Variants in PCSK5 observed in about 807,000 individuals in gnomAD.
PCSK5 encodes prohormone convertase 5.
Under a neutral mutation model 233.2 loss-of-function variants are expected in PCSK5, and 129 were observed. The ratio of observed to expected loss-of-function variants is 0.55; its 90% CI spans 0.48 to 0.64. PCSK5 has a LOEUF of 0.64. PCSK5 is among the 30% of genes least tolerant of loss of function. PCSK5 has a pLI of 0.00. For missense variants in PCSK5, 2,076 were observed against 2,430.1 expected (o/e 0.85, Z 3.06); for synonymous variants, 825 against 879.2 (o/e 0.94, Z 1.09).
At chr9:76,350,084 C>T (rs556403633) in intron 35 of PCSK5, among the ~76,000 whole-genome samples, 13 of 147,876 alleles carry the variant, frequency 8.8e-5, no homozygotes, top group Middle Eastern at 3.4e-3. Context: ...TTGAGATCAG[C>T]CTGGACAACA....
intron 3 of PCSK5, among the ~76,000 whole-genome samples, chr9:75,990,639 C>G (rs531152321): frequency 6.6e-6 from 1 of 152,280 alleles, no homozygotes; most frequent in South Asian, 2.1e-4. Flanking sequence ...TTTGTGCCTC[C>G]TAAGATTAAT....
chr9:76,013,181 TCTG>T (rs759646325), intron 3 of PCSK5, among the ~76,000 whole-genome samples: 11 of 152,212 alleles, frequency 7.2e-5, no homozygotes, highest in Non-Finnish European at 1.6e-4. Context: ...ATACCAAAAG[TCTG>T]CTGCTCTCTG....
At position 76,276,570 on chromosome 9, in the gene PCSK5, G is replaced by A. The variant is rs574741883; in HGVS notation, c.3143-15663G>A. ...TCTTGATGTTCCTTGAAGGGGACAA[G>A]CTTTCCCTGGCCTCTGTCTGGAACA... On this transcript the variant is annotated intron_variant, in intron 24 of 37. Transcript: ENST00000674117. Among the ~76,000 whole-genome samples, 173 of 152,250 alleles carry A rather than the reference G, an allele frequency of 1.1e-3. 1 individual carries two copies. The highest frequency in any genetic ancestry group is 3.4e-3 in the African/African-American group (142 of 41,538).
intron 20 of PCSK5, among the ~76,000 whole-genome samples, chr9:76,216,929 C>T (rs941145293): frequency 1.3e-5 from 2 of 152,160 alleles, no homozygotes; most frequent in Non-Finnish European, 2.9e-5. Context: ...CAACCTCCAT[C>T]TCCCGGGTTC....
intron 1 of PCSK5, among the ~76,000 whole-genome samples, chr9:75,902,293 G>A (rs997300792): frequency 1.3e-5 from 2 of 148,438 alleles, no homozygotes; most frequent in East Asian, 2.0e-4. Context: ...GAGAGAAGGC[G>A]AAAGAAGACT....
intron 11 of PCSK5, among the ~76,000 whole-genome samples, chr9:76,157,818 CT>C (rs1822660544): frequency 6.6e-6 from 1 of 152,200 alleles, no homozygotes; most frequent in South Asian, 2.1e-4. Context: ...TCATTCTACT[CT>C]TGTGGCAAAG....
intron 9 of PCSK5, among the ~76,000 whole-genome samples, chr9:76,118,099 T>C (rs1832499050): frequency 6.6e-6 from 1 of 152,072 alleles, no homozygotes; most frequent in Non-Finnish European, 1.5e-5. Context: ...TCTATAATTT[T>C]CATTGTGCTA....
At position 76,249,889 on chromosome 9, in the gene PCSK5, A is replaced by G. The variant is rs543061912; in HGVS notation, c.3142+9205A>G. Among the ~76,000 whole-genome samples the G allele has an allele frequency of 3.3e-5, 5 of 152,356 alleles. No individual in the cohort carries two copies. The South Asian group carries it at 1.0e-3, about 32-fold the overall frequency. Reference sequence around the variant, plus strand: ...AGAATGGTATTAGATTATAACCCAAAGAATAAAATAAGTATCCATGAGTTC... The same window carrying G: ...AGAATGGTATTAGATTATAACCCAAGGAATAAAATAAGTATCCATGAGTTC... On this transcript the variant is annotated intron_variant, in intron 24 of 37. Transcript: ENST00000674117.
Position 76,163,859 on chromosome 9 carries a change from C to CTTT in PCSK5, c.1619+4706_1619+4708dup, listed in dbSNP as rs67386134. On this transcript the variant is annotated intron_variant, in intron 12 of 37. Coordinates refer to ENST00000674117, the MANE Select transcript of PCSK5 (RefSeq NM_001372043.1). ...ATCTGTTAGAATTATAAAAAGCTGT[C>CTTT]TTTTTTTTTTTTTTTTTTTTCCTGA... Among the ~76,000 whole-genome samples, 2,118 of 97,648 alleles carry CTTT rather than the reference C, an allele frequency of 0.022. 237 individuals are homozygous for CTTT. In the East Asian group the frequency reaches 0.29, roughly 13 times the overall value. 64.1% of individuals were successfully genotyped at this position (97,648 alleles called of 152,430 possible). A position where few individuals can be genotyped will look rare whatever the true frequency, so the allele number is the denominator to read the frequency against.
chr9:76,169,482 A>G (rs1054120055), intron 12 of PCSK5, among the ~76,000 whole-genome samples: 6 of 151,834 alleles, frequency 4.0e-5, no homozygotes, highest in Non-Finnish European at 4.4e-5. Flanking sequence ...CAGATTTGCT[A>G]TTACATAGCC....
chr9:76,110,369 C>T (rs570909378), intron 9 of PCSK5, among the ~76,000 whole-genome samples: 183 of 152,290 alleles, frequency 1.2e-3, no homozygotes, highest in African/African-American at 4.2e-3. Flanking sequence ...TGAATATCAC[C>T]AGATTACTGT....
At chr9:76,106,439 A>AG (rs1231144862) in intron 8 of PCSK5, among the ~76,000 whole-genome samples, 1 of 152,240 alleles carries the variant, frequency 6.6e-6, no homozygotes, top group Admixed American at 6.5e-5. Flanking sequence ...AATGAAACAA[A>AG]GGTTGAGAAA....
At position 75,918,400 on chromosome 9, in the gene PCSK5, T is replaced by C. The variant is rs534726649; in HGVS notation, c.193-13979T>C. ...TTAAGGTGGGGCTCATTAACGTGCA[T>C]TTCTGCCAGGCTCATTGATGCCAAT... On this transcript the variant is annotated intron_variant, in intron 1 of 37. Transcript: ENST00000674117. Among the ~76,000 whole-genome samples, 12 of 152,336 alleles carry C rather than the reference T, an allele frequency of 7.9e-5. No homozygotes were observed. In the East Asian group the frequency reaches 2.3e-3, roughly 29 times the overall value.
intron 1 of PCSK5, among the ~76,000 whole-genome samples, chr9:75,913,923 G>A (rs13297823): frequency 0.31 from 47,534 of 151,774 alleles, 7,970 homozygotes; most frequent in African/African-American, 0.39. Flanking sequence ...ACTTTGCAAG[G>A]CCCTTCTGAA....
intron 2 of PCSK5, among the ~76,000 whole-genome samples, chr9:75,975,593 G>C (rs1191529023): frequency 6.6e-6 from 1 of 152,040 alleles, no homozygotes; most frequent in Non-Finnish European, 1.5e-5. Context: ...CAACTTGAGG[G>C]CATCCAATTT....
intron 5 of PCSK5, among the ~76,000 whole-genome samples, chr9:76,038,797 C>T (rs1211273983): frequency 6.6e-6 from 1 of 152,222 alleles, no homozygotes; most frequent in African/African-American, 2.4e-5. Flanking sequence ...GTCACCCATA[C>T]ACTGAATGAC....
chr9:76,174,933 G>C (rs1169568822), intron 13 of PCSK5, 53 bp from the exon 14 acceptor site: 12 of 1,523,938 alleles, frequency 7.9e-6, no homozygotes, highest in Admixed American at 1.9e-5. Context: ...AGATGTTACA[G>C]AGCTAAAGAG....
intron 20 of PCSK5, among the ~76,000 whole-genome samples, chr9:76,196,647 C>T (rs76499143): frequency 0.072 from 10,956 of 152,166 alleles, 559 homozygotes; most frequent in African/African-American, 0.15. Flanking sequence ...CTTTGAAGTC[C>T]CATTATAGGG....
chr9:76,146,949 T>C (rs528016981), intron 10 of PCSK5, among the ~76,000 whole-genome samples: 1 of 152,298 alleles, frequency 6.6e-6, no homozygotes, highest in South Asian at 2.1e-4. Flanking sequence ...ATGTAAGATA[T>C]GAATTTTGCC....
Sources: allele counts gnomAD v4.1 joint callset (sites outside exome capture counted in the v4.1 genomes callset), GRCh38; gene constraint gnomAD v4.1.1; transcripts MANE v1.5; gene names NCBI Gene and HGNC (gene_info 2026-07-23, HGNC 2026-07-21).